TTC16: variants seen among roughly 807,000 people sequenced by gnomAD.
TTC16 encodes the protein tetratricopeptide repeat protein 16.
Under a neutral mutation model 80.4 loss-of-function variants are expected in TTC16, and 66 were observed. The observed-to-expected ratio is 0.82, with a 90% confidence interval of 0.67 to 1.01. The LOEUF is 1.01. Ranked by LOEUF, TTC16 falls within the 50% of genes least tolerant of loss-of-function variation. TTC16 has a pLI of 0.00. For missense variants in TTC16, 1,070 were observed against 1,103.2 expected (o/e 0.97, Z 0.43); for synonymous variants, 438 against 451.3 (o/e 0.97, Z 0.37).
At chr9:127,720,009 C>A in intron 4 of TTC16, 69 bp from the exon 5 acceptor site, 1 of 1,418,126 alleles carries the variant, frequency 7.1e-7, no homozygotes, top group Non-Finnish European at 1.0e-6. Flanking sequence ...TCAGGGCTTT[C>A]TGCTGCCAAC....
chr9:127,729,638 G>T lies in TTC16; in HGVS notation c.1822G>T (p.Asp608Tyr). 1 of 1,613,698 alleles carries T rather than the reference G, an allele frequency of 6.2e-7. No homozygotes were observed. Among genetic ancestry groups the T allele is most frequent in the South Asian group, 1.1e-5 (1 of 91,058 alleles). The part of the protein sequence containing the change: ...KVASLSDSYL[D>Y]QTSSASSMSF... ...GGCGTCCCTGTCTGACAGCTACCTT[G>T]ACCAGACCTCTTCAGCCTCCAGCAT... The change falls in exon 13 of 14, where the codon GAC becomes TAC. Residue 608 changes from aspartate to tyrosine, a missense_variant. Physicochemically the swap from Asp to Tyr is radical, Grantham distance 160. Transcript: ENST00000373289.
chr9:127,720,336 G>C lies in TTC16; in HGVS notation c.598G>C (p.Asp200His). 1.2e-6 allele frequency: 2 copies of C among 1,613,306 alleles called. No individual in the cohort carries two copies. The highest frequency in any genetic ancestry group is 8.5e-7 in the Non-Finnish European group (1 of 1,179,940). ...LTLITNELKQ[D>H]TTNADVYIFR... ...GCTCATCACCAACGAGCTGAAGCAG[G>C]ACACCACCAACGCCGATGTCTACAT... is the stretch of plus-strand genomic sequence containing the variant. The change falls in exon 6 of 14, where the codon GAC becomes CAC. Residue 200 changes from aspartate to histidine, a missense_variant. By Grantham distance (81) the Asp-to-His change is moderately conservative. Transcript: ENST00000373289.
chr9:127,725,206 G>A (rs1304354562), intron 9 of TTC16, among the ~76,000 whole-genome samples: 2 of 152,130 alleles, frequency 1.3e-5, no homozygotes, highest in South Asian at 2.1e-4. Flanking sequence ...CCAGGGAGGC[G>A]GAGCTGGCAG....
At position 127,730,778 on chromosome 9, in the gene TTC16, A is replaced by C; in HGVS notation, c.1995A>C (p.Leu665=). ...SSDSGNNREA[L]SHGPRKIKAT... ...ACTCTGGGAACAACAGGGAGGCACTAAGCCATGGTCCCAGAAAAATCAAGG... is the reference window on the plus strand; with the variant it reads ...ACTCTGGGAACAACAGGGAGGCACTCAGCCATGGTCCCAGAAAAATCAAGG... Residue 665 remains leucine (L), a synonymous_variant, in exon 14 of 14, where the codon CTA becomes CTC. Coordinates refer to ENST00000373289, the MANE Select transcript of TTC16 (RefSeq NM_144965.3). The C allele has an allele frequency of 1.9e-6, 3 of 1,613,786 alleles. No individual in the cohort carries two copies. Among genetic ancestry groups the C allele is most frequent in the Non-Finnish European group, 2.5e-6 (3 of 1,180,032 alleles).
At chr9:127,723,990 G>A in intron 7 of TTC16, 130 bp from the exon 8 acceptor site, 1 of 1,285,028 alleles carries the variant, frequency 7.8e-7, no homozygotes, top group East Asian at 2.5e-5. Flanking sequence ...AGCAAATGAG[G>A]TGGGATCCCC....
chr9:127,723,936 G>T (rs1431781577), intron 7 of TTC16, among the ~76,000 whole-genome samples, 184 bp from the exon 8 acceptor site: 1 of 152,196 alleles, frequency 6.6e-6, no homozygotes, highest in Non-Finnish European at 1.5e-5. Context: ...TGCCTAGTGG[G>T]TTATCTGAGT....
Position 127,724,363 on chromosome 9 carries a change from C to A in TTC16, c.1116C>A (p.Gly372=). Residue 372 remains glycine, a splice_region_variant and synonymous_variant, in exon 8 of 14, where the codon GGC becomes GGA. Coordinates refer to ENST00000373289, the MANE Select transcript of TTC16 (RefSeq NM_144965.3). ...QQEKGLYINR[G]DCFFQLGNLA... ...AGAAAGGACTCTACATCAACCGAGGCGGTGCGCAGCGACCAGGGCACTGGG... is the reference window on the plus strand; with the variant it reads ...AGAAAGGACTCTACATCAACCGAGGAGGTGCGCAGCGACCAGGGCACTGGG... 1 of 1,285,604 alleles carries A rather than the reference C, an allele frequency of 7.8e-7. No homozygotes were observed. Among genetic ancestry groups the A allele is most frequent in the Middle Eastern group, 2.0e-4 (1 of 4,924 alleles). The allele number at this position is 1,285,604 out of a possible 1,614,324, so 79.6% of individuals were successfully genotyped here.
intron 7 of TTC16, among the ~76,000 whole-genome samples, 180 bp downstream of exon 7, chr9:127,723,513 A>G (rs540509947): frequency 2.2e-4 from 33 of 152,346 alleles, no homozygotes; most frequent in South Asian, 6.2e-4. Flanking sequence ...TTACTGCTGG[A>G]AGAGGGATGC....
Position 127,722,434 on chromosome 9 carries a change from G to A in TTC16, c.658-685G>A, listed in dbSNP as rs1397843157. 6.6e-6 allele frequency among the ~76,000 whole-genome samples: 1 copy of A among 152,178 alleles called. No individual in the cohort carries two copies. Among genetic ancestry groups the A allele is most frequent in the African/African-American group, 2.4e-5 (1 of 41,440 alleles). On this transcript the variant is annotated intron_variant, in intron 6 of 13. Transcript: ENST00000373289. This position sits in a 1 kb window ranked among gnomAD's most constrained non-coding sequence, Gnocchi z 4.2. ...AGAGGAGTCTTGGGCTCAAAGGTCA[G>A]GGAGGAGAAGAGGGAGTGCAGGGGA...
In TTC16 at chr9:127,726,336, C is replaced by A; in HGVS notation, c.1357C>A (p.Leu453Met). 6.2e-7 allele frequency: 1 copy of A among 1,612,438 alleles called. No homozygotes were observed. The highest frequency in any genetic ancestry group is 1.3e-5 in the African/African-American group (1 of 75,022). ...GTACCGGGCCAAGAGCCGGCAGCTG[C>A]TGCAGAACATTTTTGGGGCCCGCCA... The part of the protein sequence containing the change: ...YLYRAKSRQL[L>M]QNIFGARQDV... The change falls in exon 10 of 14, where the codon CTG becomes ATG. Residue 453 changes from leucine to methionine, a missense_variant. Physicochemically the swap from Leu to Met is conservative, Grantham distance 15. Coordinates refer to ENST00000373289, the MANE Select transcript of TTC16 (RefSeq NM_144965.3).
intron 9 of TTC16, 36 bp from the exon 10 acceptor site, chr9:127,726,203 A>C: frequency 1.3e-6 from 2 of 1,508,422 alleles, no homozygotes; most frequent in Non-Finnish European, 1.8e-6. Flanking sequence ...CAGATGGCCC[A>C]GCTCATAGCA....
intron 7 of TTC16, 70 bp downstream of exon 7, chr9:127,723,403 G>A (rs980992587): frequency 2.5e-5 from 36 of 1,467,936 alleles, no homozygotes; most frequent in Non-Finnish European, 3.3e-5. Context: ...GTGGTTTAAG[G>A]AGAGTCCCTG....
intron 2 of TTC16, 145 bp from the exon 3 acceptor site, chr9:127,717,189 C>A: frequency 1.7e-6 from 2 of 1,176,154 alleles, no homozygotes; most frequent in Non-Finnish European, 2.5e-6. Flanking sequence ...TCCAGGAACA[C>A]CAGCCTGCCC....
At chr9:127,727,199 G>T (rs556086562) in intron 11 of TTC16, 71 bp from the exon 12 acceptor site, 1 of 1,523,352 alleles carries the variant, frequency 6.6e-7, no homozygotes, top group Non-Finnish European at 8.8e-7. Context: ...TGACGGGGCC[G>T]TTGTCTAGTC....
chr9:127,729,432 G>A (rs981164834), intron 12 of TTC16, 149 bp from the exon 13 acceptor site: 11 of 632,956 alleles, frequency 1.7e-5, no homozygotes, highest in Admixed American at 1.1e-4. Flanking sequence ...TAGCCTCTGC[G>A]TGTCCCCACC....
chr9:127,720,324 G>A lies in TTC16; in HGVS notation c.586G>A (p.Glu196Lys), dbSNP rs757959960. The change falls in exon 6 of 14, where the codon GAG (glutamate) becomes AAG (lysine). Residue 196 changes from glutamate to lysine, a missense_variant. Physicochemically the swap from Glu to Lys is moderately conservative, Grantham distance 56. Transcript: ENST00000373289. ...HQACLTLITN[E>K]LKQDTTNADV... ...GGCCTGCCTCACGCTCATCACCAAC[G>A]AGCTGAAGCAGGACACCACCAACGC... 7.1e-5 allele frequency: 115 copies of A among 1,613,302 alleles called. No individual in the cohort carries two copies. The highest frequency in any genetic ancestry group is 1.8e-4 in the Admixed American group (11 of 59,996).
chr9:127,730,710 G>C lies in TTC16; in HGVS notation c.1927G>C (p.Val643Leu), dbSNP rs529149800. 2 of 1,613,370 alleles carry C rather than the reference G, an allele frequency of 1.2e-6. No individual in the cohort carries two copies. The highest frequency in any genetic ancestry group is 1.7e-6 in the Non-Finnish European group (2 of 1,180,042). ...ATACAGGAGCACCTCAGCCACCGCC[G>C]TGACATTCTCTGACTCGTCACTGTT... ...QEYRSTSATA[V>L]TFSDSSLLKT... The change falls in exon 14 of 14, where the codon GTG becomes CTG. Residue 643 changes from valine to leucine, a missense_variant. By Grantham distance (32) the Val-to-Leu change is conservative. Coordinates refer to ENST00000373289, the MANE Select transcript of TTC16 (RefSeq NM_144965.3).
intron 6 of TTC16, among the ~76,000 whole-genome samples, chr9:127,721,758 C>T (rs1298203075): frequency 6.6e-6 from 1 of 152,148 alleles, no homozygotes; most frequent in Admixed American, 6.5e-5. Flanking sequence ...GGCTGGAGTG[C>T]AGTGGCGAGA....
At position 127,730,812 on chromosome 9, in the gene TTC16, G is replaced by A. The variant is rs1844354725; in HGVS notation, c.2029G>A (p.Gly677Ser). Residue 677 changes from glycine (G) to serine (S), a missense_variant, in exon 14 of 14, where the codon GGC (glycine) becomes AGC (serine). By Grantham distance (56) the Gly-to-Ser change is moderately conservative. Coordinates refer to ENST00000373289, the MANE Select transcript of TTC16 (RefSeq NM_144965.3). ...TCCCAGAAAAATCAAGGCCACCCAG[G>A]GCCAGAGGCAGAGCCTTAGCAAGAC... Reference protein sequence around the residue: ...HGPRKIKATQGQRQSLSKTEP... With the variant: ...HGPRKIKATQSQRQSLSKTEP... 1.9e-6 allele frequency: 3 copies of A among 1,613,800 alleles called. No homozygotes were observed. The highest frequency in any genetic ancestry group is 4.5e-5 in the East Asian group (2 of 44,882).
Sources: gnomAD v4.1 joint callset for allele counts (sites outside exome capture counted in the v4.1 genomes callset) on GRCh38, gnomAD v4.1.1 for gene constraint, Gnocchi (gnomAD v3.1) non-coding constraint, MANE v1.5 for transcripts, NCBI Gene and HGNC (gene_info 2026-07-23, HGNC 2026-07-21) for gene names.